KLHDC4: variants seen among roughly 807,000 people sequenced by gnomAD.
KLHDC4 encodes kelch domain-containing protein 4.
A neutral mutation model predicts 62.4 loss-of-function variants in KLHDC4; 90 were observed. That is an observed-to-expected ratio of 1.44 (90% CI 1.22 to 1.72). The LOEUF (loss-of-function observed/expected upper bound fraction) is 1.72. Ranked by LOEUF, KLHDC4 falls within the 40% of genes most tolerant of loss-of-function variation. The pLI is 0.00. For missense variants in KLHDC4, 1,025 were observed against 699.7 expected, an observed-to-expected ratio of 1.47 and a Z score of -5.25; for synonymous variants, 386 against 284.4, an observed-to-expected ratio of 1.36 and a Z score of -3.59.
intron 5 of KLHDC4, among the ~76,000 whole-genome samples, chr16:87,746,895 T>C (rs746803): frequency 0.027 from 4,154 of 152,324 alleles, 188 homozygotes; most frequent in African/African-American, 0.094. Context: ...ATGAGGTGTC[T>C]GTTTATCAGA....
chr16:87,748,687 G>C lies in KLHDC4; in HGVS notation c.492C>G (p.Thr164=). 1 of 1,613,674 alleles carries C rather than the reference G, an allele frequency of 6.2e-7. No individual in the cohort carries two copies. Among genetic ancestry groups the C allele is most frequent in the Non-Finnish European group, 8.5e-7 (1 of 1,179,936 alleles). The change falls in exon 5 of 12, where the codon ACC becomes ACG. Residue 164 remains threonine (T), a synonymous_variant. Transcript: ENST00000270583. ...TGGCTTCTTACTTGACTTGTTCCCA[G>C]GTCTTGGTGGCCAAATGCAGGACCC... ...DLWVLHLATK[T]WEQVKSTGGP...
chr16:87,724,614 A>C lies in KLHDC4; in HGVS notation c.759+2151T>G, dbSNP rs567439638. On this transcript the variant is annotated intron_variant, in intron 7 of 11. Coordinates refer to ENST00000270583, the MANE Select transcript of KLHDC4 (RefSeq NM_017566.4). ...AACACCAGCAGTCATGAGAGAAATG[A>C]GAATTAAAACCACGAGGTACCACAC... Among the ~76,000 whole-genome samples, 20 of 152,364 alleles carry C rather than the reference A, an allele frequency of 1.3e-4. 1 individual carries two copies. Among genetic ancestry groups the C allele is most frequent in the African/African-American group, 4.8e-4 (20 of 41,588 alleles).
At chr16:87,722,688 T>C (rs933244956) in intron 7 of KLHDC4, among the ~76,000 whole-genome samples, 6 of 152,184 alleles carry the variant, frequency 3.9e-5, no homozygotes, top group Admixed American at 6.5e-5. Context: ...GGATGGAAAC[T>C]GGGGCCGCCC....
In KLHDC4 at chr16:87,765,697, C is replaced by A. The variant is rs1006290740; in HGVS notation, c.99+95G>T. 4.0e-6 allele frequency: 5 copies of A among 1,245,344 alleles called. No homozygotes were observed. The South Asian group carries it at 7.3e-5, about 18-fold the overall frequency. 77.1% of individuals were successfully genotyped at this position (1,245,344 alleles called of 1,614,324 possible). A position where few individuals can be genotyped will look rare whatever the true frequency, so the allele number is the denominator to read the frequency against. On this transcript the variant is annotated intron_variant, in intron 1 of 11. Coordinates refer to ENST00000270583, the MANE Select transcript of KLHDC4 (RefSeq NM_017566.4). ...GCTCTCCCGCAGGGCCGGCGCGGCT[C>A]CCACGGCCGACCCGTAACCCCGGGG...
intron 7 of KLHDC4, among the ~76,000 whole-genome samples, chr16:87,716,220 G>A (rs1288022636): frequency 2.0e-5 from 3 of 151,778 alleles, no homozygotes; most frequent in Admixed American, 6.6e-5. Flanking sequence ...GGATATTGAC[G>A]TAGACTTTGG....
rs542792866 is a variant in KLHDC4 at position 87,701,732 on chromosome 16, A to G, written c.783T>C (p.Pro261=). ...TCTCGTGCGCCCATGCCACCTGCTC[A>G]GGCCTATGCCGCCCGCCCGTCCTCC... Residue 261 remains proline, a synonymous_variant, in exon 1 of 1, where the codon CCT becomes CCC. Coordinates refer to the KLHDC4 transcript ENST00000446344. 9 of 456,736 alleles carry G rather than the reference A, an allele frequency of 2.0e-5. No individual in the cohort carries two copies. The East Asian group carries it at 6.3e-4, about 32-fold the overall frequency. The allele number at this position is 456,736 out of a possible 1,614,324, so 28.3% of individuals were successfully genotyped here.
downstream of KLHDC4, chr16:87,707,783 G>A (rs1248519383): frequency 1.9e-5 from 7 of 366,148 alleles, no homozygotes; most frequent in South Asian, 1.2e-4. Flanking sequence ...GTGTGCCTAG[G>A]GCCACACAGA....
chr16:87,720,822 ACAGCCG>A (rs1281560337), intron 7 of KLHDC4, among the ~76,000 whole-genome samples: 2 of 152,240 alleles, frequency 1.3e-5, no homozygotes, highest in Non-Finnish European at 2.9e-5. Flanking sequence ...GTGCCCTGCC[ACAGCCG>A]CAGCCTCTTT....
chr16:87,714,633 C>G lies in KLHDC4; in HGVS notation c.760-60G>C, dbSNP rs574236623. ...CAGCTACAGTGGTTGCTTACAGACC[C>G]CCCAACCCTGTGGGCGCATTTTGGA... On this transcript the variant is annotated intron_variant, in intron 7 of 11. Transcript: ENST00000270583. The G allele has an allele frequency of 2.3e-5, 37 of 1,578,040 alleles. No individual in the cohort carries two copies. The East Asian group carries it at 8.3e-4, about 35-fold the overall frequency.
At chr16:87,698,460 T>C (rs1325465972) in exon 1 of KLHDC4, 1 of 152,224 alleles carries the variant, frequency 6.6e-6, no homozygotes, top group Non-Finnish European at 1.5e-5. Context: ...CACAAAACGG[T>C]ACCTGTGAGC....
chr16:87,734,673 G>C (rs2040968157), intron 5 of KLHDC4, among the ~76,000 whole-genome samples: 1 of 152,096 alleles, frequency 6.6e-6, no homozygotes, highest in Admixed American at 6.5e-5. Flanking sequence ...ATCCAACCCG[G>C]AGTTGGCATG....
chr16:87,758,953 A>T (rs992645029), intron 2 of KLHDC4, among the ~76,000 whole-genome samples: 1 of 152,044 alleles, frequency 6.6e-6, no homozygotes, highest in African/African-American at 2.4e-5. Flanking sequence ...AGGCGGGCGG[A>T]TCACCTGAGG....
chr16:87,746,831 T>C (rs987031709), intron 5 of KLHDC4, among the ~76,000 whole-genome samples: 1 of 152,208 alleles, frequency 6.6e-6, no homozygotes, highest in African/African-American at 2.4e-5. Flanking sequence ...GCTTCTACAA[T>C]ATACCTTTAA....
In KLHDC4 at chr16:87,761,934, A is replaced by G; in HGVS notation, c.191+15T>C. ...GAAAAGGAAACATACAATATGAAAAATGCTACTTGCTCACCTTGGTGAGGG... is the reference window on the plus strand; with the variant it reads ...GAAAAGGAAACATACAATATGAAAAGTGCTACTTGCTCACCTTGGTGAGGG... On this transcript the variant is annotated intron_variant, in intron 2 of 11. Coordinates refer to ENST00000270583, the MANE Select transcript of KLHDC4 (RefSeq NM_017566.4). 6.2e-7 allele frequency: 1 copy of G among 1,611,852 alleles called. No homozygotes were observed. Among genetic ancestry groups the G allele is most frequent in the Non-Finnish European group, 8.5e-7 (1 of 1,178,490 alleles).
intron 7 of KLHDC4, among the ~76,000 whole-genome samples, chr16:87,721,236 C>CAGTA (rs2038249534): frequency 1.3e-5 from 2 of 152,112 alleles, no homozygotes; most frequent in South Asian, 4.2e-4. Flanking sequence ...CTGGCTAACG[C>CAGTA]AGTAAAACCC....
At chr16:87,737,131 A>G (rs2041462478) in intron 5 of KLHDC4, among the ~76,000 whole-genome samples, 1 of 146,884 alleles carries the variant, frequency 6.8e-6, no homozygotes, top group African/African-American at 2.6e-5. Flanking sequence ...AAAAAAAAAG[A>G]TAAGAAAACC....
At chr16:87,734,139 G>A (rs945668941) in intron 5 of KLHDC4, among the ~76,000 whole-genome samples, 3 of 152,222 alleles carry the variant, frequency 2.0e-5, no homozygotes, top group Admixed American at 6.5e-5. Context: ...GAGGTCAGGA[G>A]CTCAAGACCA....
Position 87,726,809 on chromosome 16 carries a change from T to G in KLHDC4, c.715A>C (p.Thr239Pro), listed in dbSNP as rs1597527880. 1 of 1,601,404 alleles carries G rather than the reference T, an allele frequency of 6.2e-7. No homozygotes were observed. The highest frequency in any genetic ancestry group is 8.5e-7 in the Non-Finnish European group (1 of 1,175,592). Residue 239 changes from threonine (T) to proline (P), a missense_variant, in exon 7 of 12, where the codon ACT (threonine) becomes CCT (proline). Thr to Pro is a conservative substitution (Grantham distance 38). Transcript: ENST00000270583. ...TAGACGACGATGCCGCCCTGGGGAG[T>G]GACGGACATCTGGCAGCCTGATCTG... ...TPRSGCQMSVTPQGGIVVYGG... is the reference protein window; with the variant it reads ...TPRSGCQMSVPPQGGIVVYGG...
chr16:87,718,095 T>C (rs1021267366), intron 7 of KLHDC4, among the ~76,000 whole-genome samples: 5 of 152,148 alleles, frequency 3.3e-5, no homozygotes, highest in South Asian at 4.1e-4. Flanking sequence ...CTCCTCCTTC[T>C]ACAGCAGTTT....
Sources: allele counts gnomAD v4.1 joint callset (sites outside exome capture counted in the v4.1 genomes callset), GRCh38; gene constraint gnomAD v4.1.1; transcripts MANE v1.5; gene names NCBI Gene and HGNC (gene_info 2026-07-23, HGNC 2026-07-21).